Variants in SCN1A observed in about 807,000 individuals in gnomAD.
SCN1A encodes the protein sodium channel protein type 1 subunit alpha.
Under a neutral mutation model 193.7 loss-of-function variants are expected in SCN1A, and 13 were observed. That is an observed-to-expected ratio of 0.07 (90% CI 0.04 to 0.11). The LOEUF is 0.11. Among genes scored for constraint, SCN1A ranks in the 10% least tolerant of loss-of-function variants. The pLI, the probability that SCN1A is intolerant of heterozygous loss-of-function variation, is 1.00. For synonymous variants in SCN1A, 781 were observed against 843.6 expected, an observed-to-expected ratio of 0.93 and a Z score of 1.29; for missense variants, 1,432 against 2,451.1, an observed-to-expected ratio of 0.58 and a Z score of 8.78.
intron 4 of SCN1A, among the ~76,000 whole-genome samples, chr2:166,065,634 C>T (rs1683761883): frequency 1.3e-5 from 2 of 152,006 alleles, no homozygotes; most frequent in Admixed American, 1.3e-4. Flanking sequence ...TCAATTTTTT[C>T]CTTCCAACCA....
At chr2:166,023,986 A>G (rs570797004) in intron 19 of SCN1A, among the ~76,000 whole-genome samples, 1 of 152,186 alleles carries the variant, frequency 6.6e-6, no homozygotes, top group South Asian at 2.1e-4. Context: ...CATGTTGGCC[A>G]GGCTGGTCTT....
chr2:166,113,928 C>A (rs186423653), intron 2 of SCN1A, among the ~76,000 whole-genome samples: 48 of 152,202 alleles, frequency 3.2e-4, no homozygotes, highest in Non-Finnish European at 6.8e-4. Flanking sequence ...TCTAATGTTA[C>A]CTTGGTTTGA....
intron 15 of SCN1A, among the ~76,000 whole-genome samples, chr2:166,041,916 C>A (rs150841495): frequency 6.6e-6 from 1 of 152,172 alleles, no homozygotes; most frequent in Non-Finnish European, 1.5e-5. Flanking sequence ...AAATGACCTG[C>A]TCTTCCTCTA....
chr2:165,998,133 G>T lies in SCN1A; in HGVS notation c.4381C>A (p.Leu1461Ile), dbSNP rs121918772. The change falls in exon 26 of 29, where the codon CTT becomes ATT. Residue 1461 changes from leucine to isoleucine, a missense_variant. Around this residue, in one of 18 missense-constraint regions of SCN1A, gnomAD observed 23 missense variants for 56.4 expected, o/e 0.41. Transcript: ENST00000674923. Reference sequence around the variant, plus strand: ...AAGATGATGAAAATAACAAAGTAAAGATACATGTACAGACTTTCTTCATAC... The same window carrying T: ...AAGATGATGAAAATAACAAAGTAAATATACATGTACAGACTTTCTTCATAC... ...PKYEESLYMY[L>I]YFVIFIIFGS... 7 of 1,605,906 alleles carry T rather than the reference G, an allele frequency of 4.4e-6. No individual in the cohort carries two copies. The highest frequency in any genetic ancestry group is 1.1e-5 in the South Asian group (1 of 90,638).
chr2:166,039,649 A>T, intron 16 of SCN1A, 53 bp from the exon 17 acceptor site: 1 of 1,492,450 alleles, frequency 6.7e-7, no homozygotes, highest in Non-Finnish European at 9.3e-7. Context: ...CATACATGAC[A>T]TAAGATTTGC....
chr2:166,015,951 T>A (rs1693240784), intron 19 of SCN1A: 2 of 521,080 alleles, frequency 3.8e-6, no homozygotes, highest in South Asian at 4.1e-5. Context: ...ATTGCTATGT[T>A]ATGAGGTTAC....
intron 4 of SCN1A, among the ~76,000 whole-genome samples, chr2:166,068,659 C>T (rs1432103990): frequency 6.6e-6 from 1 of 152,146 alleles, no homozygotes. Flanking sequence ...CTAAAAACTC[C>T]TTTGGCAGTG....
At chr2:166,068,838 T>G (rs1684117027) in intron 4 of SCN1A, among the ~76,000 whole-genome samples, 2 of 152,222 alleles carry the variant, frequency 1.3e-5, no homozygotes, top group South Asian at 2.1e-4. Flanking sequence ...CACTCCATAA[T>G]TAACAAACAT....
chr2:166,065,513 C>A (rs13397208), intron 4 of SCN1A, among the ~76,000 whole-genome samples: 60,566 of 151,856 alleles, frequency 0.4, 12,631 homozygotes, highest in East Asian at 0.72. Flanking sequence ...TCAAGCCAAG[C>A]TTTTCTTCCT....
chr2:166,030,844 T>C (rs761185011), intron 19 of SCN1A, among the ~76,000 whole-genome samples: 5 of 152,106 alleles, frequency 3.3e-5, no homozygotes, highest in African/African-American at 9.7e-5. Context: ...AGAAATGTTA[T>C]AAAATACTAT....
chr2:166,056,285 G>A, intron 6 of SCN1A, 126 bp downstream of exon 6: 1 of 684,030 alleles, frequency 1.5e-6, no homozygotes, highest in East Asian at 2.7e-5. Context: ...TTGTCCTCTT[G>A]CTGCGTAATT....
intron 2 of SCN1A, among the ~76,000 whole-genome samples, chr2:166,102,777 A>G (rs1688248568): frequency 1.3e-5 from 2 of 152,200 alleles, no homozygotes; most frequent in African/African-American, 4.8e-5. Flanking sequence ...TATTCACAAT[A>G]GCAATGGCAT....
intron 8 of SCN1A, among the ~76,000 whole-genome samples, chr2:166,052,467 T>C (rs1698674664): frequency 6.6e-6 from 1 of 152,056 alleles, no homozygotes; most frequent in Admixed American, 6.6e-5. Context: ...CACTATTCTT[T>C]ATTGTCTTAT....
chr2:166,145,124 C>CAG (rs879258026), intron 1 of SCN1A, among the ~76,000 whole-genome samples: 57,025 of 148,004 alleles, frequency 0.39, 11,782 homozygotes, highest in African/African-American at 0.46. Context: ...GCGTGAGCCA[C>CAG]TGCACCTGGC....
At chr2:166,021,589 A>G (rs936148954) in intron 19 of SCN1A, among the ~76,000 whole-genome samples, 5 of 152,150 alleles carry the variant, frequency 3.3e-5, no homozygotes, top group Non-Finnish European at 1.5e-5. Context: ...CTCAAAGATG[A>G]TAGTAAGTTT....
chr2:166,114,597 C>G (rs1445662281), intron 2 of SCN1A, among the ~76,000 whole-genome samples: 2 of 152,200 alleles, frequency 1.3e-5, no homozygotes, highest in East Asian at 3.9e-4. Context: ...AACAGATGAT[C>G]TTTTGGCTAT....
downstream of SCN1A, chr2:165,984,691 T>C (rs1467768444): frequency 1.3e-5 from 2 of 152,150 alleles, no homozygotes; most frequent in Non-Finnish European, 2.9e-5. Context: ...CCCATCACAG[T>C]GAACAATTGA....
intron 2 of SCN1A, among the ~76,000 whole-genome samples, chr2:166,088,518 G>C (rs1299089543): frequency 1.3e-5 from 2 of 152,012 alleles, no homozygotes; most frequent in African/African-American, 4.8e-5. Context: ...TTTCCTTTTT[G>C]TTATCCTCAA....
At chr2:166,067,783 T>C (rs1226346813) in intron 4 of SCN1A, among the ~76,000 whole-genome samples, 1 of 146,690 alleles carries the variant, frequency 6.8e-6, no homozygotes, top group Non-Finnish European at 1.5e-5. Context: ...TCTGCCCCAC[T>C]GTCTTCCCAT....
Sources: gnomAD v4.1 joint callset for allele counts (sites outside exome capture counted in the v4.1 genomes callset) on GRCh38, gnomAD v4.1.1 for gene constraint, gnomAD v4.1.1 regional missense constraint, MANE v1.5 for transcripts, NCBI Gene and HGNC (gene_info 2026-07-23, HGNC 2026-07-21) for gene names.